The following FHAD1 variants were observed in gnomAD, a reference collection of about 807,000 sequenced individuals.
FHAD1 encodes forkhead-associated domain-containing protein 1.
Under a neutral mutation model 191.3 loss-of-function variants are expected in FHAD1, and 146 were observed. That is an observed-to-expected ratio of 0.76 (90% CI 0.67 to 0.88). FHAD1 has a LOEUF of 0.88. Ranked by LOEUF, FHAD1 falls within the 40% of genes least tolerant of loss-of-function variation. The pLI is 0.00. For missense variants in FHAD1, 1,635 were observed against 1,785.8 expected (o/e 0.92, Z 1.52); for synonymous variants, 616 against 672.3 (o/e 0.92, Z 1.29).
chr1:15,301,249 A>C lies in FHAD1; in HGVS notation c.723A>C (p.Ser241=). 1 of 1,551,788 alleles carries C rather than the reference A, an allele frequency of 6.4e-7. No individual in the cohort carries two copies. Residue 241 remains serine (S), a synonymous_variant, in exon 6 of 34, where the codon TCA becomes TCC. Transcript: ENST00000688493. ...LLLGKEVSRL[S]DYEIESKYKD... The stretch of plus-strand genomic sequence containing the variant: ...TGGGAAAAGAGGTCAGCCGTCTCTC[A>C]GATTATGAAATTGAATCCAAATACA...
intron 31 of FHAD1, chr1:15,383,338 G>A: frequency 2.3e-6 from 1 of 434,012 alleles, no homozygotes; most frequent in South Asian, 1.7e-5. Context: ...CCAGCCGGCG[G>A]ACACTGCCTT....
At chr1:15,337,686 C>T (rs1016912671) in intron 14 of FHAD1, among the ~76,000 whole-genome samples, 7 of 152,134 alleles carry the variant, frequency 4.6e-5, no homozygotes, top group African/African-American at 1.2e-4. Context: ...ACCAGCAATA[C>T]GGCCCGACAT....
At chr1:15,367,777 T>C (rs1244583553) in intron 25 of FHAD1, among the ~76,000 whole-genome samples, 155 bp downstream of exon 25, 1 of 152,224 alleles carries the variant, frequency 6.6e-6, no homozygotes, top group Middle Eastern at 3.4e-3. Flanking sequence ...CTTCTCAAAC[T>C]TCCTTGTCCA....
At chr1:15,395,505 C>T (rs1705638088) in intron 33 of FHAD1, among the ~76,000 whole-genome samples, 1 of 152,112 alleles carries the variant, frequency 6.6e-6, no homozygotes, top group Non-Finnish European at 1.5e-5. Context: ...AAGGGCCAGC[C>T]CAGGGAGCGA....
intron 20 of FHAD1, among the ~76,000 whole-genome samples, chr1:15,355,208 CAAAA>C (rs58614945): frequency 9.9e-6 from 1 of 100,652 alleles, no homozygotes; most frequent in African/African-American, 3.3e-5. Flanking sequence ...GACTCCTTCT[CAAAA>C]AAAAAAAAAA....
At position 15,345,480 on chromosome 1, in the gene FHAD1, C is replaced by T; in HGVS notation, c.2303C>T (p.Thr768Ile). 3 of 1,552,196 alleles carry T rather than the reference C, an allele frequency of 1.9e-6. No homozygotes were observed. Among genetic ancestry groups the T allele is most frequent in the Non-Finnish European group, 2.6e-6 (3 of 1,147,114 alleles). The change falls in exon 18 of 34, where the codon ACA (threonine) becomes ATA (isoleucine). Residue 768 changes from threonine to isoleucine, a missense_variant. Physicochemically the swap from Thr to Ile is moderately conservative, Grantham distance 89. Transcript: ENST00000688493. ...AAGGAAGCATTAGAGGAAGAGCAGACAAGAGTCCAAGAGCTGGAGGAACGC... is the reference window on the plus strand; with the variant it reads ...AAGGAAGCATTAGAGGAAGAGCAGATAAGAGTCCAAGAGCTGGAGGAACGC... ...RVKEALEEEQ[T>I]RVQELEERLA...
intron 15 of FHAD1, 140 bp from the exon 16 acceptor site, chr1:15,341,596 C>G: frequency 1.6e-6 from 1 of 613,022 alleles, no homozygotes; most frequent in South Asian, 2.7e-5. Flanking sequence ...CCACAGCATG[C>G]TGTAGTGTTC....
intron 20 of FHAD1, among the ~76,000 whole-genome samples, chr1:15,355,098 A>G (rs765297748): frequency 3.9e-5 from 6 of 152,050 alleles, no homozygotes; most frequent in Admixed American, 6.6e-5. Context: ...AATCCCAGCT[A>G]CTTGGGAGGC....
In FHAD1 at chr1:15,362,731, G is replaced by C; in HGVS notation, c.3047+5G>C. On this transcript the variant is annotated splice_donor_5th_base_variant and intron_variant, in intron 23 of 33. Transcript: ENST00000688493. ...CATGGCGTACGAACATCTGATGTGA[G>C]TACCCGTGGGTGTGTGAGCGCCAGG... 1 of 1,550,448 alleles carries C rather than the reference G, an allele frequency of 6.4e-7. No individual in the cohort carries two copies. Among genetic ancestry groups the C allele is most frequent in the Non-Finnish European group, 8.7e-7 (1 of 1,145,906 alleles).
intron 2 of FHAD1, among the ~76,000 whole-genome samples, chr1:15,265,304 A>C (rs1168072005): frequency 6.6e-6 from 1 of 152,232 alleles, no homozygotes; most frequent in African/African-American, 2.4e-5. Context: ...GGCCCAGTTC[A>C]CAGGAACTTC....
At chr1:15,281,776 A>G (rs1371265061) in intron 3 of FHAD1, among the ~76,000 whole-genome samples, 1 of 150,912 alleles carries the variant, frequency 6.6e-6, no homozygotes, top group Non-Finnish European at 1.5e-5. Flanking sequence ...AAAAAAAAAA[A>G]AAAAAAAAGG....
chr1:15,269,561 G>C (rs543289809), intron 2 of FHAD1, among the ~76,000 whole-genome samples: 3 of 152,226 alleles, frequency 2.0e-5, no homozygotes, highest in Non-Finnish European at 4.4e-5. Flanking sequence ...TCATTGAGGT[G>C]TGTTTTATGG....
intron 1 of FHAD1, among the ~76,000 whole-genome samples, chr1:15,237,337 C>T (rs1644889237): frequency 6.6e-6 from 1 of 152,192 alleles, no homozygotes; most frequent in African/African-American, 2.4e-5. Flanking sequence ...CCCACGGTTG[C>T]GTAGCCTCCC....
At chr1:15,363,382 G>T (rs548714647) in intron 23 of FHAD1, among the ~76,000 whole-genome samples, 3 of 152,320 alleles carry the variant, frequency 2.0e-5, no homozygotes, top group East Asian at 1.9e-4. Context: ...CACATTGGGG[G>T]TTAAGTTTCA....
chr1:15,267,886 G>T, intron 2 of FHAD1, among the ~76,000 whole-genome samples: 1 of 145,522 alleles, frequency 6.9e-6, no homozygotes, highest in African/African-American at 2.5e-5. Context: ...TAAATATATT[G>T]ATATGATATA....
Position 15,374,632 on chromosome 1 carries a change from G to T in FHAD1, c.3577+1G>T, listed in dbSNP as rs1337980050. On this transcript the variant is annotated splice_donor_variant, in intron 27 of 33. Transcript: ENST00000688493. LOFTEE classifies it high-confidence loss of function. Reference sequence around the variant, plus strand: ...GAACTCGAGAAGGCGCGCTCACCAGGTAAGTCTCCTCCTTCCTAGTCAGAG... The same window carrying T: ...GAACTCGAGAAGGCGCGCTCACCAGTTAAGTCTCCTCCTTCCTAGTCAGAG... 2 of 1,551,130 alleles carry T rather than the reference G, an allele frequency of 1.3e-6. No individual in the cohort carries two copies. Among genetic ancestry groups the T allele is most frequent in the East Asian group, 2.4e-5 (1 of 40,902 alleles).
chr1:15,388,347 C>T, intron 32 of FHAD1: 2 of 1,203,884 alleles, frequency 1.7e-6, no homozygotes. Context: ...CCTCCCCAGG[C>T]CCTGCCCCAC....
At position 15,256,720 on chromosome 1, in the gene FHAD1, A is replaced by G. The variant is rs184724450; in HGVS notation, c.93+4843A>G. Among the ~76,000 whole-genome samples the G allele has an allele frequency of 3.7e-3, 565 of 150,940 alleles. 3 individuals carry two copies. Among genetic ancestry groups the G allele is most frequent in the African/African-American group, 0.013 (533 of 41,030 alleles). ...TTAGGACCTCACCCTGCCCTGCCCT[A>G]CACCGAGGAGATTTCAGGATTCCCT... On this transcript the variant is annotated intron_variant, in intron 2 of 33. Coordinates refer to ENST00000688493, the MANE Select transcript of FHAD1 (RefSeq NM_001391957.1).
rs916527037 is a variant in FHAD1 at position 15,311,975 on chromosome 1, A to G, written c.1040-1082A>G. The G allele has an allele frequency of 1.3e-5, 2 of 152,224 alleles. No homozygotes were observed. The highest frequency in any genetic ancestry group is 6.5e-5 in the Admixed American group (1 of 15,288). 9.4% of individuals were successfully genotyped at this position (152,224 alleles called of 1,614,324 possible). A position where few individuals can be genotyped will look rare whatever the true frequency, so the allele number is the denominator to read the frequency against. ...TCCCCTTCTGGAATGACTCGCTCAC[A>G]TGGCTGTTGGCTGGAGGCCTCAGTT... On this transcript the variant is annotated intron_variant, in intron 7 of 33. Coordinates refer to ENST00000688493, the MANE Select transcript of FHAD1 (RefSeq NM_001391957.1). This position sits in a 1 kb window ranked among gnomAD's most constrained non-coding sequence, Gnocchi z 4.1.
Sources: gnomAD v4.1 joint callset for allele counts (sites outside exome capture counted in the v4.1 genomes callset) on GRCh38, gnomAD v4.1.1 for gene constraint, Gnocchi (gnomAD v3.1) non-coding constraint, MANE v1.5 for transcripts, NCBI Gene and HGNC (gene_info 2026-07-23, HGNC 2026-07-21) for gene names.